Variants in SFMBT1 observed in about 807,000 individuals in gnomAD.
The protein encoded by SFMBT1 is Scm like with four mbt domains 1, also known as scm-like with four MBT domains protein 1.
SFMBT1 carries 32 observed loss-of-function variants against 108.7 expected under a neutral mutation model. The ratio of observed to expected loss-of-function variants is 0.29; its 90% CI spans 0.22 to 0.40. SFMBT1 has a LOEUF of 0.40. Among genes scored for constraint, SFMBT1 ranks in the 10% least tolerant of loss-of-function variants. SFMBT1 has a pLI of 1.00. For synonymous variants in SFMBT1, 348 were observed against 369.5 expected (o/e 0.94, Z 0.67); for missense variants, 816 against 1,059.6 (o/e 0.77, Z 3.19).
intron 4 of SFMBT1, among the ~76,000 whole-genome samples, chr3:52,938,639 GT>G (rs35655166): frequency 5.4e-5 from 8 of 148,596 alleles, no homozygotes; most frequent in South Asian, 2.1e-4. Context: ...CAATAAAGCT[GT>G]TTTTTTTTTT....
At position 52,911,011 on chromosome 3, in the gene SFMBT1, G is replaced by C; in HGVS notation, c.1898C>G (p.Thr633Ser). Residue 633 changes from threonine (T) to serine (S), a missense_variant, in exon 17 of 21, where the codon ACC becomes AGC. Physicochemically the swap from Thr to Ser is moderately conservative, Grantham distance 58. Transcript: ENST00000394752. ...GGAAAAACATGACTCACTGTATTTG[G>C]TCTTTGTAAGTACAGAACAGTTCTC... is the stretch of plus-strand genomic sequence containing the variant. ...CSENCSVLTK[T>S]KYTHYYGKKK... 6.2e-7 allele frequency: 1 copy of C among 1,614,048 alleles called. No individual in the cohort carries two copies.
Position 52,907,745 on chromosome 3 carries a change from T to C in SFMBT1, c.1907-12A>G. ...TCCGTAATAGTGTGCTAAATGTGGATGACAAAGAAAAATGAAGTAGCTTCA... is the reference window on the plus strand; with the variant it reads ...TCCGTAATAGTGTGCTAAATGTGGACGACAAAGAAAAATGAAGTAGCTTCA... On this transcript the variant is annotated splice_polypyrimidine_tract_variant and intron_variant, in intron 17 of 20. Transcript: ENST00000394752. 6.3e-7 allele frequency: 1 copy of C among 1,576,420 alleles called. No individual in the cohort carries two copies. The highest frequency in any genetic ancestry group is 1.4e-5 in the African/African-American group (1 of 72,660).
At position 52,911,001 on chromosome 3, in the gene SFMBT1, A is replaced by G; in HGVS notation, c.1906+2T>C. The G allele has an allele frequency of 6.2e-7, 1 of 1,613,836 alleles. No homozygotes were observed. Among genetic ancestry groups the G allele is most frequent in the South Asian group, 1.1e-5 (1 of 91,060 alleles). ...TTAACACATTGGAAAAACATGACTCACTGTATTTGGTCTTTGTAAGTACAG... is the reference window on the plus strand; with the variant it reads ...TTAACACATTGGAAAAACATGACTCGCTGTATTTGGTCTTTGTAAGTACAG... On this transcript the variant is annotated splice_donor_variant, in intron 17 of 20. Coordinates refer to ENST00000394752, the MANE Select transcript of SFMBT1 (RefSeq NM_016329.4). LOFTEE classifies it high-confidence loss of function.
intron 1 of SFMBT1, among the ~76,000 whole-genome samples, chr3:53,004,884 T>C (rs1180106168): frequency 6.6e-6 from 1 of 152,210 alleles, no homozygotes. Flanking sequence ...TGAGGCTTCC[T>C]TCTTGACAAC....
chr3:52,933,930 G>C (rs1165176904), intron 5 of SFMBT1, among the ~76,000 whole-genome samples: 1 of 152,036 alleles, frequency 6.6e-6, no homozygotes, highest in East Asian at 1.9e-4. Context: ...ACAATAAAAA[G>C]ACAAACCATA....
intron 3 of SFMBT1, among the ~76,000 whole-genome samples, chr3:52,944,436 A>C (rs1204419350): frequency 6.6e-6 from 1 of 152,234 alleles, no homozygotes; most frequent in Non-Finnish European, 1.5e-5. Flanking sequence ...TGTATTTCCC[A>C]ACTCTGTGAA....
intron 4 of SFMBT1, among the ~76,000 whole-genome samples, chr3:52,936,361 T>C (rs1224950606): frequency 2.6e-5 from 4 of 152,232 alleles, no homozygotes; most frequent in Non-Finnish European, 5.9e-5. Context: ...TTTACCACCC[T>C]TTAAAATAAA....
At chr3:52,935,167 T>A (rs1293146060) in intron 4 of SFMBT1, among the ~76,000 whole-genome samples, 1 of 152,160 alleles carries the variant, frequency 6.6e-6, no homozygotes, top group Admixed American at 6.5e-5. Flanking sequence ...ACCCAGAAGG[T>A]ACCTTACTTT....
intron 2 of SFMBT1, among the ~76,000 whole-genome samples, chr3:52,962,675 G>T (rs1353492346): frequency 1.3e-5 from 2 of 151,888 alleles, no homozygotes; most frequent in Non-Finnish European, 2.9e-5. Flanking sequence ...GTGCATGGTG[G>T]CACGTGCCTG....
chr3:52,917,897 G>A (rs1003690777), intron 13 of SFMBT1, among the ~76,000 whole-genome samples: 6 of 152,156 alleles, frequency 3.9e-5, no homozygotes, highest in African/African-American at 7.2e-5. Context: ...TAAAGCCACC[G>A]AGCCTGTGGT....
intron 4 of SFMBT1, among the ~76,000 whole-genome samples, chr3:52,943,102 T>C (rs973533142): frequency 8.5e-5 from 13 of 152,190 alleles, no homozygotes; most frequent in African/African-American, 3.1e-4. Context: ...CCTCACAGTC[T>C]GAAAGGATGA....
At chr3:53,014,729 G>A (rs867688644) in intron 1 of SFMBT1, among the ~76,000 whole-genome samples, 10 of 152,136 alleles carry the variant, frequency 6.6e-5, no homozygotes, top group African/African-American at 2.4e-4. Context: ...GTGAGTCCTA[G>A]GCTCTCTTGG....
At chr3:52,987,476 C>A (rs1257390223) in intron 1 of SFMBT1, among the ~76,000 whole-genome samples, 1 of 152,078 alleles carries the variant, frequency 6.6e-6, no homozygotes. Context: ...TGTATGGGAC[C>A]ACCGTCATAT....
chr3:52,950,679 G>A (rs185106052), intron 3 of SFMBT1, among the ~76,000 whole-genome samples: 12 of 152,158 alleles, frequency 7.9e-5, no homozygotes, highest in Admixed American at 7.2e-4. Context: ...TCACCATGTC[G>A]GCCAGGCTGG....
At chr3:52,975,275 C>T (rs1001399080) in intron 1 of SFMBT1, among the ~76,000 whole-genome samples, 1 of 152,288 alleles carries the variant, frequency 6.6e-6, no homozygotes, top group African/African-American at 2.4e-5. Flanking sequence ...CCATACATGG[C>T]CATTGGAAAT....
intron 1 of SFMBT1, among the ~76,000 whole-genome samples, chr3:53,001,752 C>T: frequency 7.6e-6 from 1 of 131,610 alleles, no homozygotes; most frequent in African/African-American, 2.7e-5. Context: ...CTATCTCTAC[C>T]AAAAAAAAAA....
At chr3:53,044,262 TAAG>T (rs1559561795) in intron 1 of SFMBT1, among the ~76,000 whole-genome samples, 1 of 152,228 alleles carries the variant, frequency 6.6e-6, no homozygotes, top group Admixed American at 6.5e-5. Flanking sequence ...ATCTTTCAGT[TAAG>T]AAAGCCACCG....
chr3:53,001,873 A>G (rs1236634044), intron 1 of SFMBT1, among the ~76,000 whole-genome samples: 1 of 143,476 alleles, frequency 7.0e-6, no homozygotes, highest in East Asian at 2.2e-4. Context: ...TGCAGTGAGC[A>G]CTGATCCTGC....
intron 1 of SFMBT1, among the ~76,000 whole-genome samples, chr3:52,975,897 C>T (rs962325408): frequency 6.6e-6 from 1 of 152,028 alleles, no homozygotes; most frequent in Non-Finnish European, 1.5e-5. Flanking sequence ...GCATGAGCCA[C>T]AACGCAACCA....
Sources: gnomAD v4.1 joint callset for allele counts (sites outside exome capture counted in the v4.1 genomes callset) on GRCh38, gnomAD v4.1.1 for gene constraint, MANE v1.5 for transcripts, NCBI Gene and HGNC (gene_info 2026-07-23, HGNC 2026-07-21) for gene names.